Variants in PTPRT observed in about 807,000 individuals in gnomAD.
PTPRT encodes receptor-type tyrosine-protein phosphatase T.
A neutral mutation model predicts 176.8 loss-of-function variants in PTPRT; 56 were observed. The observed-to-expected ratio is 0.32, with a 90% CI of 0.26 to 0.40. The LOEUF (loss-of-function observed/expected upper bound fraction) is 0.40, where lower values mean the gene tolerates loss of function less well. Ranked by LOEUF, PTPRT falls within the 10% of genes least tolerant of loss-of-function variation. The pLI, the probability that PTPRT is intolerant of heterozygous loss-of-function variation, is 1.00. For synonymous variants in PTPRT, 783 were observed against 739.0 expected (o/e 1.06, Z -0.96); for missense variants, 1,540 against 1,908.2 (o/e 0.81, Z 3.60).
At chr20:43,188,786 G>C (rs2015463893) in intron 1 of PTPRT, among the ~76,000 whole-genome samples, 1 of 149,326 alleles carries the variant, frequency 6.7e-6, no homozygotes, top group Admixed American at 6.8e-5. Context: ...GCTGCCTGCG[G>C]TGGGGCTTGG....
chr20:42,389,573 G>C (rs1427021312), intron 9 of PTPRT, among the ~76,000 whole-genome samples: 1 of 152,142 alleles, frequency 6.6e-6, no homozygotes, highest in Non-Finnish European at 1.5e-5. Flanking sequence ...CTTGAGGCAA[G>C]GCATGGTGTC....
At chr20:42,745,634 G>C (rs2076681151) in intron 6 of PTPRT, among the ~76,000 whole-genome samples, 1 of 152,226 alleles carries the variant, frequency 6.6e-6, no homozygotes, top group African/African-American at 2.4e-5. Context: ...CAATGATCTA[G>C]AGCATTCTTA....
At chr20:42,969,178 T>A (rs1053761600) in intron 1 of PTPRT, 2 of 152,336 alleles carry the variant, frequency 1.3e-5, no homozygotes, top group Middle Eastern at 3.4e-3. Flanking sequence ...TTTCACCTCA[T>A]TTTATAGCCA....
intron 1 of PTPRT, among the ~76,000 whole-genome samples, chr20:42,963,147 T>A (rs1361598929): frequency 2.6e-5 from 4 of 151,940 alleles, no homozygotes; most frequent in African/African-American, 9.7e-5. Context: ...TGCAGTGAGC[T>A]TAGATCGCAC....
intron 9 of PTPRT, among the ~76,000 whole-genome samples, chr20:42,420,296 G>A (rs893124806): frequency 2.0e-5 from 3 of 152,116 alleles, no homozygotes; most frequent in Non-Finnish European, 4.4e-5. Context: ...TATAATCTCT[G>A]AGTTTGGGGT....
At chr20:42,671,672 A>G (rs1315764716) in intron 7 of PTPRT, among the ~76,000 whole-genome samples, 1 of 152,210 alleles carries the variant, frequency 6.6e-6, no homozygotes. Context: ...AGCAACCAAT[A>G]ACACTTTGGT....
chr20:42,741,641 C>T (rs1963721), intron 6 of PTPRT, among the ~76,000 whole-genome samples: 111,090 of 152,040 alleles, frequency 0.73, 40,804 homozygotes, highest in East Asian at 0.86. Flanking sequence ...CCACCACACC[C>T]GGCCTTTTCT....
intron 1 of PTPRT, among the ~76,000 whole-genome samples, chr20:43,019,845 A>G (rs372716555): frequency 3.3e-5 from 5 of 151,878 alleles, no homozygotes; most frequent in African/African-American, 9.7e-5. Context: ...GCCCTTGAAC[A>G]TGAGAATTTC....
intron 17 of PTPRT, among the ~76,000 whole-genome samples, chr20:42,153,074 A>G (rs1349573287): frequency 6.6e-6 from 1 of 151,454 alleles, no homozygotes; most frequent in African/African-American, 2.5e-5. Context: ...CTTTTCTGAA[A>G]CTTCTGATAG....
chr20:42,256,890 G>A (rs2056651446), intron 13 of PTPRT, among the ~76,000 whole-genome samples: 1 of 152,158 alleles, frequency 6.6e-6, no homozygotes, highest in Non-Finnish European at 1.5e-5. Context: ...AGACCCATCT[G>A]GAGACCTGAA....
chr20:43,126,757 T>G (rs6030666), intron 1 of PTPRT, among the ~76,000 whole-genome samples: 139,137 of 152,182 alleles, frequency 0.91, 64,465 homozygotes, highest in Non-Finnish European at 0.98. Context: ...CAGTCTCTCC[T>G]CAGGAGACGA....
the PTPRT span, among the ~76,000 whole-genome samples, chr20:42,032,032 T>C: frequency 1.3e-5 from 2 of 152,154 alleles, no homozygotes; most frequent in African/African-American, 4.8e-5. Flanking sequence ...ATCTAGTAAA[T>C]GGCAGACCTG....
intron 1 of PTPRT, among the ~76,000 whole-genome samples, chr20:43,099,732 C>G (rs1350761843): frequency 2.0e-5 from 3 of 152,188 alleles, no homozygotes; most frequent in African/African-American, 7.2e-5. Flanking sequence ...TCAGGCCCAT[C>G]TTTAACAGCT....
At chr20:43,160,692 T>C (rs1415013982) in intron 1 of PTPRT, among the ~76,000 whole-genome samples, 4 of 152,182 alleles carry the variant, frequency 2.6e-5, no homozygotes, top group Non-Finnish European at 4.4e-5. Context: ...TACAGTGTTT[T>C]CATATACAAG....
intron 6 of PTPRT, among the ~76,000 whole-genome samples, chr20:42,746,266 C>T (rs1373734959): frequency 6.6e-6 from 1 of 152,154 alleles, no homozygotes; most frequent in Admixed American, 6.5e-5. Context: ...CCCCTCCACA[C>T]ATATGTTCAA....
intron 6 of PTPRT, among the ~76,000 whole-genome samples, chr20:42,740,757 C>G (rs6103026): frequency 0.041 from 6,262 of 152,280 alleles, 457 homozygotes; most frequent in African/African-American, 0.14. Context: ...TGCTGTCAGA[C>G]TGCTCTAAGA....
intron 5 of PTPRT, among the ~76,000 whole-genome samples, chr20:42,762,747 G>A (rs911108617): frequency 3.3e-5 from 5 of 152,178 alleles, no homozygotes; most frequent in Admixed American, 6.5e-5. Flanking sequence ...CAATTCATCC[G>A]TACAGGAGGG....
intron 1 of PTPRT, among the ~76,000 whole-genome samples, chr20:43,060,217 G>T (rs1447288539): frequency 6.6e-6 from 1 of 151,984 alleles, no homozygotes; most frequent in Non-Finnish European, 1.5e-5. Context: ...TAGACTAAGT[G>T]ACTTATCAAC....
At chr20:42,160,682 C>G (rs1325500486) in intron 17 of PTPRT, among the ~76,000 whole-genome samples, 1 of 152,208 alleles carries the variant, frequency 6.6e-6, no homozygotes, top group Non-Finnish European at 1.5e-5. Context: ...GAGCTGCTGC[C>G]TGTCCTTTAC....
Sources: allele counts gnomAD v4.1 joint callset (sites outside exome capture counted in the v4.1 genomes callset), GRCh38; gene constraint gnomAD v4.1.1; transcripts MANE v1.5; gene names NCBI Gene and HGNC (gene_info 2026-07-23, HGNC 2026-07-21).